Variants in FAM135B observed in about 807,000 individuals in gnomAD.
FAM135B encodes the protein protein FAM135B.
Under a neutral mutation model 127.7 loss-of-function variants are expected in FAM135B, and 43 were observed. That is an observed-to-expected ratio of 0.34 (90% CI 0.26 to 0.43). FAM135B has a LOEUF of 0.43. FAM135B is among the 20% of genes least tolerant of loss of function. FAM135B has a pLI of 1.00. For synonymous variants in FAM135B, 670 were observed against 665.1 expected (o/e 1.01, Z -0.11); for missense variants, 1,558 against 1,725.6 (o/e 0.90, Z 1.72).
chr8:138,431,039 C>A (rs1265048910), intron 1 of FAM135B, among the ~76,000 whole-genome samples: 2 of 152,160 alleles, frequency 1.3e-5, no homozygotes, highest in African/African-American at 2.4e-5. Flanking sequence ...TCTAAGGATA[C>A]TTTTAAGAGT....
chr8:138,225,036 C>A (rs1326507753), intron 7 of FAM135B, among the ~76,000 whole-genome samples: 2 of 152,154 alleles, frequency 1.3e-5, no homozygotes, highest in Non-Finnish European at 2.9e-5. Context: ...TGCATGGTGA[C>A]CACAGTTAAT....
intron 1 of FAM135B, chr8:138,438,218 A>T (rs1437040822): frequency 1.3e-5 from 2 of 152,166 alleles, no homozygotes; most frequent in East Asian, 3.9e-4. Context: ...TTATTACTCA[A>T]GGGGCTCTCA....
intron 9 of FAM135B, among the ~76,000 whole-genome samples, 158 bp downstream of exon 9, chr8:138,195,100 G>T (rs1445649333): frequency 6.6e-6 from 1 of 152,218 alleles, no homozygotes; most frequent in East Asian, 1.9e-4. Flanking sequence ...CAGTGATGTA[G>T]GGTAACAGAA....
intron 1 of FAM135B, among the ~76,000 whole-genome samples, chr8:138,414,677 C>A (rs185183103): frequency 6.6e-6 from 1 of 152,110 alleles, no homozygotes; most frequent in East Asian, 1.9e-4. Flanking sequence ...ACTCTTCAAC[C>A]TAAAAACTGG....
At chr8:138,335,253 C>T (rs4909773) in intron 2 of FAM135B, among the ~76,000 whole-genome samples, 151,455 of 152,276 alleles carry the variant, frequency 0.99, 75,325 homozygotes, top group East Asian at 1. Flanking sequence ...CAGAGTCCCA[C>T]AGAGGTGAGA....
At chr8:138,336,874 C>A (rs1337124793) in intron 2 of FAM135B, among the ~76,000 whole-genome samples, 1 of 152,144 alleles carries the variant, frequency 6.6e-6, no homozygotes, top group Non-Finnish European at 1.5e-5. Flanking sequence ...TACTGGCAAA[C>A]CGAATCCAGC....
chr8:138,179,865 G>A (rs577699328), intron 9 of FAM135B, among the ~76,000 whole-genome samples: 1 of 152,216 alleles, frequency 6.6e-6, no homozygotes, highest in East Asian at 1.9e-4. Flanking sequence ...ACTTTTTGTA[G>A]AGACGGGGTC....
intron 12 of FAM135B, among the ~76,000 whole-genome samples, chr8:138,166,844 C>G (rs1184734643): frequency 6.6e-6 from 1 of 152,062 alleles, no homozygotes; most frequent in East Asian, 1.9e-4. Flanking sequence ...AGGAGCACAT[C>G]CTACCAACCT....
At chr8:138,377,267 G>T (rs1230729166) in intron 1 of FAM135B, among the ~76,000 whole-genome samples, 2 of 152,176 alleles carry the variant, frequency 1.3e-5, no homozygotes, top group Non-Finnish European at 2.9e-5. Context: ...GTGTATTACA[G>T]AATTGCACTA....
intron 11 of FAM135B, among the ~76,000 whole-genome samples, chr8:138,175,424 C>T (rs903955699): frequency 2.6e-5 from 4 of 152,214 alleles, no homozygotes; most frequent in Admixed American, 2.6e-4. Flanking sequence ...CTTGCTGTAA[C>T]CCCAGACACT....
chr8:138,146,087 GT>G (rs2130661251), intron 14 of FAM135B, 37 bp from the exon 15 acceptor site: 1 of 1,046,268 alleles, frequency 9.6e-7, no homozygotes, highest in Non-Finnish European at 1.5e-6. Flanking sequence ...CAGTCCCGTA[GT>G]TAGTCATATA....
chr8:138,395,673 G>A (rs531165670), intron 1 of FAM135B, among the ~76,000 whole-genome samples: 7 of 152,256 alleles, frequency 4.6e-5, no homozygotes, highest in African/African-American at 1.7e-4. Context: ...CTCAGCCCTG[G>A]ATATGCAAAG....
intron 1 of FAM135B, among the ~76,000 whole-genome samples, chr8:138,417,124 G>A (rs36094077): frequency 6.6e-6 from 1 of 152,044 alleles, no homozygotes; most frequent in Non-Finnish European, 1.5e-5. Context: ...ATCCTCCTAG[G>A]CTCACAATAC....
chr8:138,342,855 A>G (rs985989184), intron 2 of FAM135B, among the ~76,000 whole-genome samples: 1 of 152,188 alleles, frequency 6.6e-6, no homozygotes, highest in Non-Finnish European at 1.5e-5. Context: ...TATGCCCACA[A>G]ACATATGTGT....
At chr8:138,375,440 C>A (rs1831409311) in intron 1 of FAM135B, among the ~76,000 whole-genome samples, 1 of 151,994 alleles carries the variant, frequency 6.6e-6, no homozygotes, top group East Asian at 1.9e-4. Flanking sequence ...ATAGACCAGC[C>A]AGGATCCAGA....
intron 7 of FAM135B, among the ~76,000 whole-genome samples, chr8:138,206,236 T>C (rs1437555323): frequency 6.1e-5 from 9 of 147,892 alleles, no homozygotes; most frequent in East Asian, 2.0e-4. Context: ...TACACACAGC[T>C]CTCTCATCCC....
chr8:138,147,927 T>G (rs907149251), intron 14 of FAM135B, among the ~76,000 whole-genome samples: 56 of 152,312 alleles, frequency 3.7e-4, no homozygotes, highest in African/African-American at 1.3e-3. Flanking sequence ...AGTTTTTTTG[T>G]TCCTGCAAAT....
chr8:138,344,305 A>G (rs1829251469), intron 2 of FAM135B, among the ~76,000 whole-genome samples: 1 of 152,206 alleles, frequency 6.6e-6, no homozygotes, highest in African/African-American at 2.4e-5. Context: ...AATGCAGTGC[A>G]ATGAAAGATG....
chr8:138,291,954 C>T (rs1337468365), intron 3 of FAM135B, among the ~76,000 whole-genome samples: 3 of 151,870 alleles, frequency 2.0e-5, no homozygotes, highest in Non-Finnish European at 2.9e-5. Flanking sequence ...AAAGGGCCTC[C>T]GTATTTTAAA....
Sources: allele counts gnomAD v4.1 joint callset (sites outside exome capture counted in the v4.1 genomes callset), GRCh38; gene constraint gnomAD v4.1.1; transcripts MANE v1.5; gene names NCBI Gene and HGNC (gene_info 2026-07-23, HGNC 2026-07-21).